Variants in LRP1B observed in about 807,000 individuals in gnomAD.
The protein encoded by LRP1B is low-density lipoprotein receptor-related protein 1B.
A neutral mutation model predicts 556.6 loss-of-function variants in LRP1B; 217 were observed. The ratio of observed to expected loss-of-function variants is 0.39; its 90% CI spans 0.35 to 0.44. The LOEUF is 0.44. Among genes scored for constraint, LRP1B ranks in the 20% least tolerant of loss-of-function variants. The probability of loss-of-function intolerance (pLI) is 1.00; values close to 1 mark genes in which losing one functional copy is unlikely to be tolerated. For missense variants in LRP1B, 5,053 were observed against 5,620.8 expected, an observed-to-expected ratio of 0.90 and a Z score of 3.23; for synonymous variants, 2,047 against 1,865.8, an observed-to-expected ratio of 1.10 and a Z score of -2.50.
chr2:140,972,712 T>C (rs1003810571), intron 18 of LRP1B, among the ~76,000 whole-genome samples: 6 of 101,102 alleles, frequency 5.9e-5, no homozygotes, highest in Non-Finnish European at 1.3e-4. Context: ...GATAAACTTG[T>C]TAAAACAATA....
At chr2:142,012,835 G>A (rs889835983) in intron 1 of LRP1B, among the ~76,000 whole-genome samples, 3 of 152,138 alleles carry the variant, frequency 2.0e-5, no homozygotes, top group Non-Finnish European at 4.4e-5. Context: ...AGATCTAATA[G>A]TTTCTGTGTA....
intron 1 of LRP1B, among the ~76,000 whole-genome samples, chr2:141,912,557 A>G (rs1699931273): frequency 6.6e-6 from 1 of 152,186 alleles, no homozygotes; most frequent in Non-Finnish European, 1.5e-5. Context: ...TGAGAAACTC[A>G]GGCGATGTGG....
At position 141,329,663 on chromosome 2, in the gene LRP1B, A is replaced by AAAC. The variant is rs1553497046; in HGVS notation, c.344-75025_344-75023dup. ...TGTCTCAAAAAAAAAAAAAAAAAAAAAACTATCTCTCTCTCTATCTATCTG... is the reference window on the plus strand; with the variant it reads ...TGTCTCAAAAAAAAAAAAAAAAAAAAAACAACTATCTCTCTCTCTATCTATCTG... On this transcript the variant is annotated intron_variant, in intron 3 of 90. Transcript: ENST00000389484. Among the ~76,000 whole-genome samples, 550 of 137,392 alleles carry AAAC rather than the reference A, an allele frequency of 4.0e-3. 13 individuals carry two copies. The highest frequency in any genetic ancestry group is 7.2e-3 in the African/African-American group (237 of 32,748). 90.1% of individuals were successfully genotyped at this position (137,392 alleles called of 152,430 possible). A position where few individuals can be genotyped will look rare whatever the true frequency, so the allele number is the denominator to read the frequency against.
intron 1 of LRP1B, among the ~76,000 whole-genome samples, chr2:141,996,907 A>G (rs1423300715): frequency 1.3e-5 from 2 of 152,164 alleles, no homozygotes; most frequent in Non-Finnish European, 2.9e-5. Context: ...TGACTCATAA[A>G]TAATTGTTTT....
chr2:141,134,210 A>T (rs1701434831), intron 7 of LRP1B, among the ~76,000 whole-genome samples: 1 of 151,752 alleles, frequency 6.6e-6, no homozygotes, highest in African/African-American at 2.4e-5. Context: ...TCTGTATCGT[A>T]TCTATTTTGC....
At chr2:140,584,229 G>A (rs1681893136) in intron 43 of LRP1B, among the ~76,000 whole-genome samples, 2 of 151,874 alleles carry the variant, frequency 1.3e-5, no homozygotes, top group South Asian at 2.1e-4. Context: ...ATTAATATAA[G>A]TTATTTGAGA....
chr2:142,124,485 CT>C (rs1469259004), intron 1 of LRP1B, among the ~76,000 whole-genome samples: 13 of 151,296 alleles, frequency 8.6e-5, no homozygotes, highest in African/African-American at 3.2e-4. Context: ...TATATATATT[CT>C]TTATTGAGAG....
intron 1 of LRP1B, among the ~76,000 whole-genome samples, chr2:141,917,524 T>C (rs1175882055): frequency 6.6e-6 from 1 of 152,196 alleles, no homozygotes. Context: ...GAATACAAAC[T>C]GGTAAAAAGT....
chr2:141,005,626 T>C (rs1697551051), intron 14 of LRP1B, among the ~76,000 whole-genome samples, 169 bp from the exon 15 acceptor site: 1 of 151,954 alleles, frequency 6.6e-6, no homozygotes, highest in Admixed American at 6.6e-5. Flanking sequence ...TGTTTGAAAA[T>C]AGGTGGTGCA....
At chr2:141,007,615 C>T (rs1158426997) in intron 14 of LRP1B, among the ~76,000 whole-genome samples, 2 of 151,522 alleles carry the variant, frequency 1.3e-5, no homozygotes, top group Non-Finnish European at 3.0e-5. Context: ...ATGTTGTACA[C>T]ATTCTGTACA....
intron 86 of LRP1B, among the ~76,000 whole-genome samples, chr2:140,268,776 T>A (rs949893808): frequency 4.6e-5 from 7 of 151,748 alleles, no homozygotes; most frequent in African/African-American, 1.7e-4. Context: ...AAATAAAATT[T>A]CTGGAAATTT....
chr2:141,678,699 C>A (rs1326998447), intron 2 of LRP1B, among the ~76,000 whole-genome samples: 1 of 151,974 alleles, frequency 6.6e-6, no homozygotes, highest in Non-Finnish European at 1.5e-5. Context: ...CATTATTCAA[C>A]AGAAAAGTAG....
intron 7 of LRP1B, among the ~76,000 whole-genome samples, chr2:141,143,165 G>A (rs1298265945): frequency 6.6e-6 from 1 of 151,976 alleles, no homozygotes; most frequent in Admixed American, 6.6e-5. Flanking sequence ...TCCTGACCTC[G>A]TGATCCACCC....
intron 21 of LRP1B, among the ~76,000 whole-genome samples, chr2:140,917,391 G>A (rs912360013): frequency 1.3e-5 from 2 of 152,110 alleles, no homozygotes; most frequent in Non-Finnish European, 2.9e-5. Context: ...CCAAAAGCCT[G>A]CATGTAGATA....
intron 33 of LRP1B, 25 bp downstream of exon 33, chr2:140,776,073 G>A (rs762839664): frequency 7.9e-6 from 12 of 1,515,522 alleles, no homozygotes; most frequent in African/African-American, 2.9e-5. Flanking sequence ...TCAAGACCTG[G>A]CACAAATTCA....
At chr2:140,449,373 TTCC>T (rs1686794076) in intron 63 of LRP1B, among the ~76,000 whole-genome samples, 1 of 152,168 alleles carries the variant, frequency 6.6e-6, no homozygotes, top group Admixed American at 6.5e-5. Flanking sequence ...TCCTTTGATA[TTCC>T]TTTTAACTTA....
intron 32 of LRP1B, among the ~76,000 whole-genome samples, chr2:140,807,436 G>A (rs1229369663): frequency 6.6e-6 from 1 of 151,652 alleles, no homozygotes; most frequent in East Asian, 1.9e-4. Context: ...TGCAGCCCGG[G>A]TTCAAGCGAT....
intron 3 of LRP1B, among the ~76,000 whole-genome samples, chr2:141,350,132 C>G (rs1010902673): frequency 6.6e-6 from 1 of 152,054 alleles, no homozygotes; most frequent in South Asian, 2.1e-4. Context: ...GACTCACCCC[C>G]GTGATTCAAT....
chr2:140,945,571 T>A (rs146009316), intron 20 of LRP1B, among the ~76,000 whole-genome samples: 2 of 152,254 alleles, frequency 1.3e-5, no homozygotes, highest in East Asian at 3.9e-4. Context: ...TACAGCTGAC[T>A]GATCTTCAAC....
Sources: allele counts gnomAD v4.1 joint callset (sites outside exome capture counted in the v4.1 genomes callset), GRCh38; gene constraint gnomAD v4.1.1; transcripts MANE v1.5; gene names NCBI Gene and HGNC (gene_info 2026-07-23, HGNC 2026-07-21).